The following MYO16 variants were observed in gnomAD, a reference collection of about 807,000 sequenced individuals.
MYO16 encodes myosin XVI.
A neutral mutation model predicts 205.3 loss-of-function variants in MYO16; 94 were observed. The observed-to-expected ratio is 0.46, with a 90% CI of 0.39 to 0.54. The LOEUF is 0.54. Ranked by LOEUF, MYO16 falls within the 20% of genes least tolerant of loss-of-function variation. The pLI, the probability that MYO16 is intolerant of heterozygous loss-of-function variation, is 0.00. For synonymous variants in MYO16, 988 were observed against 954.0 expected (o/e 1.04, Z -0.66); for missense variants, 2,315 against 2,387.5 (o/e 0.97, Z 0.63).
rs114616976 is a variant in MYO16 at position 108,901,806 on chromosome 13, A to G, written c.1777+3673A>G. On this transcript the variant is annotated intron_variant, in intron 15 of 34. Transcript: ENST00000457511. Reference sequence around the variant, plus strand: ...TTTTATTTAAGAGTAATAAACTGCTATAAAACAAAGTAACAAAGCTAGTGC... The same window carrying G: ...TTTTATTTAAGAGTAATAAACTGCTGTAAAACAAAGTAACAAAGCTAGTGC... 5.6e-3 allele frequency among the ~76,000 whole-genome samples: 847 copies of G among 152,332 alleles called. 8 individuals carry two copies. The highest frequency in any genetic ancestry group is 0.019 in the African/African-American group (773 of 41,568).
chr13:109,054,228 C>T, intron 25 of MYO16: 1 of 248,484 alleles, frequency 4.0e-6, no homozygotes, highest in East Asian at 1.3e-4. Context: ...ATCTTTTCTA[C>T]ATATGATCTT....
At chr13:108,550,431 A>T in the MYO16 span, among the ~76,000 whole-genome samples, 32 of 152,226 alleles carry the variant, frequency 2.1e-4, no homozygotes, top group Non-Finnish European at 4.0e-4. Context: ...AACACCTTGG[A>T]CTTGAATCTA....
At chr13:108,545,203 G>A in the MYO16 span, among the ~76,000 whole-genome samples, 1 of 151,910 alleles carries the variant, frequency 6.6e-6, no homozygotes, top group Non-Finnish European at 1.5e-5. Flanking sequence ...TCCCTTCTTT[G>A]TGTCCATATG....
At chr13:108,643,445 G>T (rs1880600348) in intron 1 of MYO16, among the ~76,000 whole-genome samples, 1 of 152,214 alleles carries the variant, frequency 6.6e-6, no homozygotes, top group African/African-American at 2.4e-5. Flanking sequence ...TCTATTACAA[G>T]TAAAGTTACT....
chr13:108,913,938 C>T (rs1029355539), intron 16 of MYO16, among the ~76,000 whole-genome samples: 3 of 152,116 alleles, frequency 2.0e-5, no homozygotes, highest in African/African-American at 4.8e-5. Flanking sequence ...ACCTCACTGC[C>T]GATTTCTTTA....
chr13:108,833,303 C>T (rs1307093515), intron 9 of MYO16, among the ~76,000 whole-genome samples: 1 of 150,446 alleles, frequency 6.6e-6, no homozygotes, highest in East Asian at 1.9e-4. Flanking sequence ...ACCAAACATA[C>T]AGCAATTAAT....
intron 20 of MYO16, among the ~76,000 whole-genome samples, chr13:108,965,176 A>T (rs1336389903): frequency 6.6e-6 from 1 of 152,176 alleles, no homozygotes; most frequent in Admixed American, 6.5e-5. Flanking sequence ...CTGAAGGTAG[A>T]TGTGGCCTTT....
At chr13:108,737,654 A>G (rs2139605057) in intron 4 of MYO16, among the ~76,000 whole-genome samples, 1 of 152,330 alleles carries the variant, frequency 6.6e-6, no homozygotes, top group South Asian at 2.1e-4. Flanking sequence ...GCCTCATAAA[A>G]TGAGTTAGGG....
intron 9 of MYO16, among the ~76,000 whole-genome samples, chr13:108,838,665 C>CAAAA (rs36195222): frequency 9.3e-6 from 1 of 107,452 alleles, no homozygotes; most frequent in Admixed American, 1.0e-4. Flanking sequence ...GAGACTGTCT[C>CAAAA]AAAAAAAAAA....
intron 6 of MYO16, among the ~76,000 whole-genome samples, chr13:108,796,000 A>G (rs1201173466): frequency 6.6e-6 from 1 of 152,194 alleles, no homozygotes; most frequent in Admixed American, 6.5e-5. Context: ...TGCAAACCAC[A>G]AACTCCTACA....
chr13:108,509,667 A>G, the MYO16 span, among the ~76,000 whole-genome samples: 2 of 152,220 alleles, frequency 1.3e-5, no homozygotes, highest in Non-Finnish European at 2.9e-5. Flanking sequence ...TTCAAGTTTA[A>G]GAATAGCATT....
intron 23 of MYO16, among the ~76,000 whole-genome samples, chr13:109,020,126 A>T (rs758826449): frequency 6.6e-6 from 1 of 152,196 alleles, no homozygotes; most frequent in African/African-American, 2.4e-5. Flanking sequence ...GGGCCTTCTC[A>T]TAATGTTTCT....
the MYO16 span, among the ~76,000 whole-genome samples, chr13:108,569,822 C>T: frequency 2.6e-5 from 4 of 152,008 alleles, no homozygotes; most frequent in Admixed American, 2.6e-4. Context: ...ATTCTCTTTC[C>T]AGTTTATTGG....
chr13:108,559,673 C>T, the MYO16 span, among the ~76,000 whole-genome samples: 1 of 151,590 alleles, frequency 6.6e-6, no homozygotes, highest in Non-Finnish European at 1.5e-5. Context: ...CGGGGTTTCA[C>T]GTCAGCCCGG....
intron 1 of MYO16, among the ~76,000 whole-genome samples, chr13:108,639,308 G>T (rs770575189): frequency 6.6e-6 from 1 of 152,312 alleles, no homozygotes; most frequent in Admixed American, 6.5e-5. Context: ...AGAATTTATT[G>T]TCTGATTAGT....
At chr13:108,503,275 C>T in the MYO16 span, among the ~76,000 whole-genome samples, 1 of 152,222 alleles carries the variant, frequency 6.6e-6, no homozygotes, top group African/African-American at 2.4e-5. Context: ...CCCCCTAGGC[C>T]TCACCTGTGA....
the MYO16 span, among the ~76,000 whole-genome samples, chr13:108,506,109 A>G: frequency 8.1e-5 from 12 of 148,742 alleles, no homozygotes; most frequent in African/African-American, 2.5e-4. Flanking sequence ...CTCCAGCTTT[A>G]TTCTTTTTTT....
At chr13:108,718,254 T>C (rs553905884) in intron 3 of MYO16, among the ~76,000 whole-genome samples, 57 of 152,226 alleles carry the variant, frequency 3.7e-4, no homozygotes, top group African/African-American at 1.3e-3. Context: ...ACAAAAATAG[T>C]TGCTGTGTGG....
rs73612490 is a variant in MYO16, at chr13:108,851,930, C to A, written c.1249-3513C>A. Among the ~76,000 whole-genome samples, 425 of 152,204 alleles carry A rather than the reference C, an allele frequency of 2.8e-3. 6 individuals are homozygous for A. The highest frequency in any genetic ancestry group is 8.6e-3 in the African/African-American group (359 of 41,538). On this transcript the variant is annotated intron_variant, in intron 10 of 34. Coordinates refer to ENST00000457511, the MANE Select transcript of MYO16 (RefSeq NM_001198950.3). Reference sequence around the variant, plus strand: ...TTTCCAGCTCCTTCAATATCCCCTGCTGCTGCCTCCTCCCACCTCCTCCAC... The same window carrying A: ...TTTCCAGCTCCTTCAATATCCCCTGATGCTGCCTCCTCCCACCTCCTCCAC...
Sources: allele counts gnomAD v4.1 joint callset (sites outside exome capture counted in the v4.1 genomes callset), GRCh38; gene constraint gnomAD v4.1.1; transcripts MANE v1.5; gene names NCBI Gene and HGNC (gene_info 2026-07-23, HGNC 2026-07-21).